ITGA9: variants seen among roughly 807,000 people sequenced by gnomAD.
The protein encoded by ITGA9 is integrin alpha-9.
In ITGA9, 56 loss-of-function variants were observed where a neutral mutation model predicts 127.8. The ratio of observed to expected loss-of-function variants is 0.44; its 90% CI spans 0.35 to 0.55. The LOEUF is 0.55. ITGA9 is among the 20% of genes least tolerant of loss of function. ITGA9 has a pLI of 0.00. For missense variants in ITGA9, 1,196 were observed against 1,347.1 expected (o/e 0.89, Z 1.76); for synonymous variants, 508 against 514.5 (o/e 0.99, Z 0.17).
chr3:37,594,502 A>AT (rs11299412), intron 15 of ITGA9, among the ~76,000 whole-genome samples: 13 of 150,738 alleles, frequency 8.6e-5, no homozygotes, highest in Non-Finnish European at 1.2e-4. Flanking sequence ...GGAAGTTTGT[A>AT]TTTTTTTTTT....
intron 22 of ITGA9, among the ~76,000 whole-genome samples, chr3:37,747,621 G>T (rs772675741): frequency 1.3e-5 from 2 of 149,054 alleles, no homozygotes; most frequent in Admixed American, 1.3e-4. Context: ...TTGGTTTTGA[G>T]TTCAATTGTT....
At chr3:37,763,954 G>A (rs1696750348) in intron 23 of ITGA9, among the ~76,000 whole-genome samples, 1 of 152,074 alleles carries the variant, frequency 6.6e-6, no homozygotes, top group East Asian at 1.9e-4. Flanking sequence ...AGGTGGATTT[G>A]GGGGATTATA....
intron 1 of ITGA9, among the ~76,000 whole-genome samples, chr3:37,453,123 C>CCA (rs1698218096): frequency 6.6e-6 from 1 of 151,010 alleles, no homozygotes; most frequent in African/African-American, 2.4e-5. Context: ...GCGCCCCCCC[C>CCA]CCCCCCCAGC....
intron 18 of ITGA9, 80 bp downstream of exon 18, chr3:37,684,095 A>G: frequency 8.4e-7 from 1 of 1,184,612 alleles, no homozygotes; most frequent in Non-Finnish European, 1.3e-6. Flanking sequence ...TGGAATAGGC[A>G]ATGATTCTAC....
intron 18 of ITGA9, among the ~76,000 whole-genome samples, chr3:37,715,600 AG>A (rs1701125977): frequency 6.6e-6 from 1 of 152,246 alleles, no homozygotes; most frequent in African/African-American, 2.4e-5. Flanking sequence ...TCCATGTTTA[AG>A]GGGCACTTAA....
chr3:37,506,891 C>T (rs1698849339), intron 7 of ITGA9, among the ~76,000 whole-genome samples: 1 of 152,150 alleles, frequency 6.6e-6, no homozygotes, highest in South Asian at 2.1e-4. Flanking sequence ...TCATATCTCC[C>T]AGGGCTTGGA....
At chr3:37,524,154 C>A (rs1699071024) in intron 12 of ITGA9, among the ~76,000 whole-genome samples, 1 of 152,144 alleles carries the variant, frequency 6.6e-6, no homozygotes. Flanking sequence ...TTGTGGCTAA[C>A]TGGATAAAGA....
At chr3:37,698,756 GCTTTT>G (rs2125671564) in intron 18 of ITGA9, among the ~76,000 whole-genome samples, 1 of 152,244 alleles carries the variant, frequency 6.6e-6, no homozygotes, top group South Asian at 2.1e-4. Context: ...CTGCCAAATA[GCTTTT>G]CAAAGTGGTT....
chr3:37,809,644 G>A (rs1229790250), intron 27 of ITGA9, among the ~76,000 whole-genome samples: 1 of 151,994 alleles, frequency 6.6e-6, no homozygotes, highest in Non-Finnish European at 1.5e-5. Flanking sequence ...TTTCTCAAAA[G>A]GCTAACTATG....
chr3:37,730,424 C>T (rs556023948), intron 18 of ITGA9, among the ~76,000 whole-genome samples: 2 of 151,918 alleles, frequency 1.3e-5, no homozygotes, highest in Non-Finnish European at 2.9e-5. Context: ...TATGGTGAAT[C>T]ATTAATGCCA....
chr3:37,608,413 A>G (rs1699988318), intron 15 of ITGA9, among the ~76,000 whole-genome samples: 1 of 149,524 alleles, frequency 6.7e-6, no homozygotes, highest in African/African-American at 2.4e-5. Flanking sequence ...GATTTAGTGG[A>G]AAATGACTCA....
At position 37,549,237 on chromosome 3, in the gene ITGA9, A is replaced by G. The variant is rs111670193; in HGVS notation, c.1689+6652A>G. The stretch of plus-strand genomic sequence containing the variant: ...TATCTCCGATGAGCACTGTTTGGCC[A>G]TTGATTTATTTCTTGGGTGCAATGA... On this transcript the variant is annotated intron_variant, in intron 15 of 27. Transcript: ENST00000264741. Among the ~76,000 whole-genome samples the G allele has an allele frequency of 3.3e-5, 5 of 152,322 alleles. 1 individual carries two copies. Among genetic ancestry groups the G allele is most frequent in the African/African-American group, 9.6e-5 (4 of 41,570 alleles).
chr3:37,711,503 A>G lies in ITGA9; in HGVS notation c.2068-21209A>G, dbSNP rs1701079380. The stretch of plus-strand genomic sequence containing the variant: ...ACTGTAACCTTGAACTCTTGGGCTC[A>G]AGTAATCCTTCCACCTCAGCCTCTG... On this transcript the variant is annotated intron_variant, in intron 18 of 27. Coordinates refer to ENST00000264741, the MANE Select transcript of ITGA9 (RefSeq NM_002207.3). Among the ~76,000 whole-genome samples, 4 of 152,214 alleles carry G rather than the reference A, an allele frequency of 2.6e-5. No individual in the cohort carries two copies. In the South Asian group the frequency reaches 8.3e-4, roughly 32 times the overall value.
At chr3:37,657,115 G>A (rs571923515) in intron 17 of ITGA9, among the ~76,000 whole-genome samples, 10 of 152,108 alleles carry the variant, frequency 6.6e-5, no homozygotes, top group Non-Finnish European at 1.5e-4. Flanking sequence ...GAGGATTTTA[G>A]CATTGATGTT....
intron 17 of ITGA9, among the ~76,000 whole-genome samples, chr3:37,660,258 C>T (rs947914820): frequency 6.6e-6 from 1 of 152,042 alleles, no homozygotes; most frequent in Non-Finnish European, 1.5e-5. Flanking sequence ...AGGCCTTCCA[C>T]AAAGTGTTTT....
chr3:37,715,496 G>A (rs1021504296), intron 18 of ITGA9, among the ~76,000 whole-genome samples: 1 of 152,188 alleles, frequency 6.6e-6, no homozygotes, highest in Non-Finnish European at 1.5e-5. Flanking sequence ...CAGGGCCTCT[G>A]CCCTCATTCC....
chr3:37,531,127 TCA>T lies in ITGA9; in HGVS notation c.1374-2186_1374-2185del, dbSNP rs369030549. On this transcript the variant is annotated intron_variant, in intron 13 of 27. Transcript: ENST00000264741. ...CCTTGGGTGCTCCTTTGCTTTTATC[TCA>T]GAGGCTGGCACATTTGTAGGCAGGA... Among the ~76,000 whole-genome samples the T allele has an allele frequency of 6.9e-3, 773 of 111,576 alleles. 4 individuals are homozygous for T. The highest frequency in any genetic ancestry group is 0.022 in the African/African-American group (666 of 30,420). 73.2% of individuals were successfully genotyped at this position (111,576 alleles called of 152,430 possible). A position where few individuals can be genotyped will look rare whatever the true frequency, so the allele number is the denominator to read the frequency against.
chr3:37,677,948 C>T (rs141681363), intron 17 of ITGA9, among the ~76,000 whole-genome samples: 2 of 152,228 alleles, frequency 1.3e-5, no homozygotes, highest in East Asian at 1.9e-4. Context: ...GCATGCTGCC[C>T]CTAGTTATGA....
intron 15 of ITGA9, among the ~76,000 whole-genome samples, chr3:37,553,103 C>T (rs1420380039): frequency 6.6e-6 from 1 of 151,914 alleles, no homozygotes; most frequent in African/African-American, 2.4e-5. Context: ...GTAAATTCTT[C>T]ACCCAGATTC....
Sources: allele counts gnomAD v4.1 joint callset (sites outside exome capture counted in the v4.1 genomes callset), GRCh38; gene constraint gnomAD v4.1.1; transcripts MANE v1.5; gene names NCBI Gene and HGNC (gene_info 2026-07-23, HGNC 2026-07-21).